Variants in EYA1 observed in about 807,000 individuals in gnomAD.
The protein encoded by EYA1 is protein phosphatase EYA1.
A neutral mutation model predicts 82.0 loss-of-function variants in EYA1; 16 were observed. That is an observed-to-expected ratio of 0.20 (90% CI 0.13 to 0.30). The LOEUF (loss-of-function observed/expected upper bound fraction) is 0.30. EYA1 is among the 10% of genes least tolerant of loss of function. The pLI is 1.00. For synonymous variants in EYA1, 261 were observed against 264.4 expected, an observed-to-expected ratio of 0.99 and a Z score of 0.12; for missense variants, 633 against 730.7, an observed-to-expected ratio of 0.87 and a Z score of 1.54.
chr8:71,244,623 A>G lies in EYA1; in HGVS notation c.1120T>C (p.Leu374=). 6.2e-7 allele frequency: 1 copy of G among 1,602,176 alleles called. No homozygotes were observed. Among genetic ancestry groups the G allele is most frequent in the South Asian group, 1.1e-5 (1 of 90,342 alleles). ...CTTACTTCTAAGTCATTAAAAAATA[A>G]ATGTGTGTCTGCCAAGTTGAAAATC... ...EMIFNLADTH[L]FFNDLEECDQ... is the part of the protein sequence containing the mutation. Residue 374 remains leucine, a synonymous_variant, in exon 12 of 18, where the codon TTA becomes CTA. Coordinates refer to ENST00000340726, the MANE Select transcript of EYA1 (RefSeq NM_000503.6).
chr8:71,369,577 C>A (rs1827970533), intron 2 of EYA1, among the ~76,000 whole-genome samples: 1 of 152,088 alleles, frequency 6.6e-6, no homozygotes, highest in African/African-American at 2.4e-5. Context: ...TGGTAAAGCT[C>A]CCATGGAGAA....
intron 2 of EYA1, among the ~76,000 whole-genome samples, chr8:71,422,839 G>A (rs961674620): frequency 8.5e-5 from 13 of 152,156 alleles, no homozygotes; most frequent in Middle Eastern, 3.4e-3. Flanking sequence ...TACCCCCCAC[G>A]GGATCCCTCC....
At chr8:71,373,753 A>G (rs938082497) in intron 2 of EYA1, among the ~76,000 whole-genome samples, 4 of 152,206 alleles carry the variant, frequency 2.6e-5, no homozygotes, top group African/African-American at 7.2e-5. Context: ...ACAAAGTTAT[A>G]ATAATCAAAA....
At chr8:71,444,222 A>C (rs767803358) in intron 2 of EYA1, among the ~76,000 whole-genome samples, 2 of 152,256 alleles carry the variant, frequency 1.3e-5, no homozygotes, top group Non-Finnish European at 2.9e-5. Flanking sequence ...AAGACCCAAT[A>C]TTCCTTTCTA....
intron 2 of EYA1, among the ~76,000 whole-genome samples, chr8:71,448,321 T>C (rs1296452728): frequency 6.6e-6 from 1 of 152,152 alleles, no homozygotes; most frequent in Non-Finnish European, 1.5e-5. Context: ...TCAATAAGAG[T>C]GGATTCCCTC....
chr8:71,437,320 C>G (rs969043537), intron 2 of EYA1, among the ~76,000 whole-genome samples: 2 of 151,622 alleles, frequency 1.3e-5, no homozygotes, highest in African/African-American at 4.8e-5. Flanking sequence ...CATTATTTAT[C>G]TTGTCTGCTG....
intron 7 of EYA1, among the ~76,000 whole-genome samples, chr8:71,306,031 A>T (rs895576317): frequency 6.6e-6 from 1 of 152,198 alleles, no homozygotes; most frequent in African/African-American, 2.4e-5. Flanking sequence ...CCACACACTC[A>T]TGAAGATGAC....
At chr8:71,402,928 T>G (rs1830032620) in intron 2 of EYA1, among the ~76,000 whole-genome samples, 1 of 152,142 alleles carries the variant, frequency 6.6e-6, no homozygotes, top group African/African-American at 2.4e-5. Context: ...ATGCACACTA[T>G]GCAGAGATCA....
intron 2 of EYA1, among the ~76,000 whole-genome samples, chr8:71,483,922 G>A (rs772865655): frequency 7.9e-5 from 12 of 152,102 alleles, no homozygotes; most frequent in Non-Finnish European, 1.2e-4. Context: ...AGGGTAAATT[G>A]TTTTCTTCTG....
At chr8:71,313,255 C>T (rs925698533) in intron 7 of EYA1, among the ~76,000 whole-genome samples, 2 of 152,156 alleles carry the variant, frequency 1.3e-5, no homozygotes, top group Non-Finnish European at 2.9e-5. Context: ...AGTTTCCTTC[C>T]ATGCCAGCAT....
intron 4 of EYA1, among the ~76,000 whole-genome samples, chr8:71,332,568 G>T (rs116270601): frequency 0.015 from 2,263 of 152,138 alleles, 57 homozygotes; most frequent in African/African-American, 0.05. Context: ...AATATTTCTT[G>T]CTCAAATTAA....
At position 71,371,875 on chromosome 8, in the gene EYA1, C is replaced by T. The variant is rs142232871; in HGVS notation, c.34-15364G>A. On this transcript the variant is annotated intron_variant, in intron 2 of 18. Transcript: ENST00000643681. ...GATCACAGGAAAATAAAACTCAATA[C>T]GGGTTGAAAAATAAAACTGTTGAAA... is the stretch of plus-strand genomic sequence containing the variant. 2.5e-3 allele frequency among the ~76,000 whole-genome samples: 379 copies of T among 151,848 alleles called. 1 individual carries two copies. The highest frequency in any genetic ancestry group is 8.7e-3 in the African/African-American group (359 of 41,462).
chr8:71,321,370 A>G (rs1822525534), intron 6 of EYA1, among the ~76,000 whole-genome samples: 1 of 152,234 alleles, frequency 6.6e-6, no homozygotes, highest in Non-Finnish European at 1.5e-5. Flanking sequence ...TCTGATAAAT[A>G]GGAAATGAAT....
At chr8:71,459,458 C>G (rs1000317912) in intron 2 of EYA1, among the ~76,000 whole-genome samples, 1 of 152,180 alleles carries the variant, frequency 6.6e-6, no homozygotes, top group Non-Finnish European at 1.5e-5. Context: ...CCTTCATTCT[C>G]TTCATAAACA....
intron 9 of EYA1, among the ~76,000 whole-genome samples, chr8:71,297,549 A>G (rs1284063773): frequency 2.6e-5 from 4 of 152,102 alleles, no homozygotes; most frequent in African/African-American, 9.7e-5. Context: ...TCACATAATG[A>G]TCTTCATTTC....
chr8:71,216,988 T>G lies in EYA1; in HGVS notation c.1176A>C (p.Ser392=). 1 of 1,613,778 alleles carries G rather than the reference T, an allele frequency of 6.2e-7. No homozygotes were observed. The highest frequency in any genetic ancestry group is 8.5e-7 in the Non-Finnish European group (1 of 1,179,620). ...ACCTTAGGTCCTGTCCGTTATCATC[T>G]GAAGAAACATCATCTATATGGACTT... ...CDQVHIDDVS[S]DDNGQDLSTY... is the part of the protein sequence containing the mutation. The change falls in exon 13 of 18, where the codon TCA becomes TCC. Residue 392 remains serine (S), a synonymous_variant. Transcript: ENST00000340726.
chr8:71,526,456 G>T (rs1480443160), intron 2 of EYA1, among the ~76,000 whole-genome samples: 4 of 152,086 alleles, frequency 2.6e-5, no homozygotes, highest in African/African-American at 9.7e-5. Context: ...AATTTTGAGG[G>T]GCAGAAATCT....
intron 12 of EYA1, among the ~76,000 whole-genome samples, chr8:71,240,277 T>A (rs1812322165): frequency 6.6e-6 from 1 of 152,030 alleles, no homozygotes; most frequent in African/African-American, 2.4e-5. Context: ...CCTTTTTTTT[T>A]TTTTTTAATA....
At chr8:71,523,414 G>A (rs10096081) in intron 2 of EYA1, among the ~76,000 whole-genome samples, 108,873 of 151,694 alleles carry the variant, frequency 0.72, 40,800 homozygotes, top group East Asian at 0.99. Context: ...TCCTGACCTC[G>A]TGATCCACCC....
Sources: allele counts gnomAD v4.1 joint callset (sites outside exome capture counted in the v4.1 genomes callset), GRCh38; gene constraint gnomAD v4.1.1; transcripts MANE v1.5; gene names NCBI Gene and HGNC (gene_info 2026-07-23, HGNC 2026-07-21).